SEMA5A: variants seen among roughly 807,000 people sequenced by gnomAD.
SEMA5A encodes the protein semaphorin 5A.
In SEMA5A, 55 loss-of-function variants were observed where a neutral mutation model predicts 135.5. That is an observed-to-expected ratio of 0.41 (90% CI 0.33 to 0.51). SEMA5A has a LOEUF of 0.51. Ranked by LOEUF, SEMA5A falls within the 20% of genes least tolerant of loss-of-function variation. The pLI is 0.37. For missense variants in SEMA5A, 1,290 were observed against 1,419.9 expected (o/e 0.91, Z 1.47); for synonymous variants, 580 against 546.5 (o/e 1.06, Z -0.85).
chr5:9,352,245 CCTCA>C (rs1253374245), intron 3 of SEMA5A, among the ~76,000 whole-genome samples: 4 of 152,082 alleles, frequency 2.6e-5, no homozygotes, highest in Non-Finnish European at 5.9e-5. Flanking sequence ...TCCTTAATAA[CCTCA>C]CTAACCTCCC....
chr5:9,150,934 A>G (rs775672854), intron 12 of SEMA5A, among the ~76,000 whole-genome samples: 2 of 152,092 alleles, frequency 1.3e-5, no homozygotes, highest in Non-Finnish European at 2.9e-5. Context: ...TGACCACTGA[A>G]TGGGTGGTCC....
intron 1 of SEMA5A, among the ~76,000 whole-genome samples, chr5:9,521,617 T>G (rs1487472847): frequency 6.6e-6 from 1 of 152,340 alleles, no homozygotes; most frequent in East Asian, 1.9e-4. Context: ...TTATGAAATC[T>G]GCTGGAGCCC....
At chr5:9,510,547 C>T (rs1414727747) in intron 1 of SEMA5A, among the ~76,000 whole-genome samples, 1 of 152,028 alleles carries the variant, frequency 6.6e-6, no homozygotes, top group Non-Finnish European at 1.5e-5. Context: ...CTTTTAGTTG[C>T]AAAGGAGTTT....
chr5:9,150,081 C>T (rs944626578), intron 12 of SEMA5A, among the ~76,000 whole-genome samples: 1 of 152,196 alleles, frequency 6.6e-6, no homozygotes, highest in Non-Finnish European at 1.5e-5. Context: ...TCAAGCAATC[C>T]TCCTGCCTCA....
chr5:9,296,924 T>C (rs1193448796), intron 5 of SEMA5A, among the ~76,000 whole-genome samples: 2 of 146,256 alleles, frequency 1.4e-5, no homozygotes, highest in South Asian at 2.1e-4. Flanking sequence ...AAAAAAAAGA[T>C]ATAAAAACAT....
At chr5:9,154,974 C>T (rs1050104057) in intron 11 of SEMA5A, among the ~76,000 whole-genome samples, 2 of 152,102 alleles carry the variant, frequency 1.3e-5, no homozygotes, top group African/African-American at 2.4e-5. Context: ...TTCCAAGTCT[C>T]GGGATGGAGA....
At chr5:9,450,828 C>T (rs541844351) in intron 1 of SEMA5A, among the ~76,000 whole-genome samples, 180 of 151,986 alleles carry the variant, frequency 1.2e-3, no homozygotes, top group African/African-American at 4.1e-3. Context: ...TCCTTAGCAG[C>T]ATTCTGTGCT....
At chr5:9,425,682 A>C (rs1757622018) in intron 2 of SEMA5A, among the ~76,000 whole-genome samples, 1 of 152,208 alleles carries the variant, frequency 6.6e-6, no homozygotes, top group African/African-American at 2.4e-5. Context: ...CAACCCTCAA[A>C]ATATTTGCTA....
intron 3 of SEMA5A, among the ~76,000 whole-genome samples, chr5:9,374,444 T>G (rs985739346): frequency 6.6e-6 from 1 of 152,146 alleles, no homozygotes; most frequent in Non-Finnish European, 1.5e-5. Flanking sequence ...GGATTTTAAG[T>G]CAAGATTATC....
chr5:9,284,252 G>T lies in SEMA5A; in HGVS notation c.270+34120C>A, dbSNP rs73048641. Among the ~76,000 whole-genome samples, 1,475 of 152,174 alleles carry T rather than the reference G, an allele frequency of 9.7e-3. 20 individuals carry two copies. Among genetic ancestry groups the T allele is most frequent in the African/African-American group, 0.034 (1,403 of 41,504 alleles). On this transcript the variant is annotated intron_variant, in intron 5 of 22. Coordinates refer to ENST00000382496, the MANE Select transcript of SEMA5A (RefSeq NM_003966.3). Reference sequence around the variant, plus strand: ...ATTCCTCCACAGGTAGGCAATCAAGGGTTCCAAATGAAAGCATATCATAAT... The same window carrying T: ...ATTCCTCCACAGGTAGGCAATCAAGTGTTCCAAATGAAAGCATATCATAAT...
rs540405215 is a variant in SEMA5A at position 9,156,505 on chromosome 5, G to A, written c.1274-1810C>T. Among the ~76,000 whole-genome samples, 223 of 152,288 alleles carry A rather than the reference G, an allele frequency of 1.5e-3. 1 individual carries two copies. Among genetic ancestry groups the A allele is most frequent in the Non-Finnish European group, 2.8e-3 (188 of 68,028 alleles). On this transcript the variant is annotated intron_variant, in intron 11 of 22. Transcript: ENST00000382496. ...GCATAGAGCCTGTGGCTGCCTTTGC[G>A]ACATCATTACACAAGAGGACATCAT...
chr5:9,352,141 T>A (rs567224079), intron 3 of SEMA5A, among the ~76,000 whole-genome samples: 100 of 151,592 alleles, frequency 6.6e-4, no homozygotes, highest in South Asian at 1.3e-3. Flanking sequence ...ATATCTGTGT[T>A]CTCTTATCTA....
intron 20 of SEMA5A, 107 bp from the exon 21 acceptor site, chr5:9,050,564 A>C: frequency 1.1e-6 from 1 of 913,066 alleles, no homozygotes; most frequent in Non-Finnish European, 1.6e-6. Flanking sequence ...TATGTGACAC[A>C]AAGTTTCAAA....
chr5:9,415,663 A>G (rs1757259075), intron 2 of SEMA5A, among the ~76,000 whole-genome samples: 1 of 152,228 alleles, frequency 6.6e-6, no homozygotes, highest in Non-Finnish European at 1.5e-5. Context: ...GTCTAAGCAA[A>G]TTACATGCAA....
chr5:9,308,832 A>G (rs1751993172), intron 5 of SEMA5A, among the ~76,000 whole-genome samples: 1 of 151,944 alleles, frequency 6.6e-6, no homozygotes, highest in Admixed American at 6.6e-5. Flanking sequence ...TAATACCCCC[A>G]CTTTAGTGCT....
At chr5:9,357,138 A>G (rs1226437198) in intron 3 of SEMA5A, among the ~76,000 whole-genome samples, 1 of 152,212 alleles carries the variant, frequency 6.6e-6, no homozygotes, top group African/African-American at 2.4e-5. Flanking sequence ...AAGCCATTAA[A>G]AATCTCATTT....
At chr5:9,328,375 C>G (rs1752970204) in intron 4 of SEMA5A, among the ~76,000 whole-genome samples, 1 of 152,216 alleles carries the variant, frequency 6.6e-6, no homozygotes, top group Non-Finnish European at 1.5e-5. Context: ...CTTCCTAATG[C>G]AAATATGATT....
chr5:9,042,563 T>C lies in SEMA5A; in HGVS notation c.*334A>G. ...ATCATGAAGATTTACACTCCAAAGT[T>C]CTAAAGAAAGACTCCTTCCAATGTG... On this transcript the variant is annotated 3_prime_UTR_variant, in exon 23 of 23. Transcript: ENST00000382496. 3.4e-6 allele frequency: 1 copy of C among 290,014 alleles called. No homozygotes were observed. The highest frequency in any genetic ancestry group is 6.5e-6 in the Non-Finnish European group (1 of 154,496). 18.0% of individuals were successfully genotyped at this position (290,014 alleles called of 1,614,324 possible).
chr5:9,389,848 G>A (rs1048028415), intron 2 of SEMA5A, among the ~76,000 whole-genome samples: 1 of 152,012 alleles, frequency 6.6e-6, no homozygotes, highest in African/African-American at 2.4e-5. Flanking sequence ...TCTTATTCCT[G>A]TTACAGCCTT....
Sources: gnomAD v4.1 joint callset for allele counts (sites outside exome capture counted in the v4.1 genomes callset) on GRCh38, gnomAD v4.1.1 for gene constraint, MANE v1.5 for transcripts, NCBI Gene and HGNC (gene_info 2026-07-23, HGNC 2026-07-21) for gene names.